Variants in EMILIN2 observed in about 807,000 individuals in gnomAD.
The protein encoded by EMILIN2 is EMILIN-2.
EMILIN2 carries 71 observed loss-of-function variants against 87.1 expected under a neutral mutation model. The observed-to-expected ratio is 0.82, with a 90% confidence interval of 0.67 to 0.99. The LOEUF (loss-of-function observed/expected upper bound fraction) is 0.99, where lower values mean the gene tolerates loss of function less well. EMILIN2 is among the 50% of genes least tolerant of loss of function. The probability of loss-of-function intolerance (pLI) is 0.00; values close to 1 mark genes in which losing one functional copy is unlikely to be tolerated. For synonymous variants in EMILIN2, 581 were observed against 563.4 expected, an observed-to-expected ratio of 1.03 and a Z score of -0.44; for missense variants, 1,407 against 1,371.8, an observed-to-expected ratio of 1.03 and a Z score of -0.40.
chr18:2,866,031 G>A (rs2076685116), intron 2 of EMILIN2, among the ~76,000 whole-genome samples: 1 of 152,250 alleles, frequency 6.6e-6, no homozygotes, highest in Non-Finnish European at 1.5e-5. Flanking sequence ...ATAATCTGGT[G>A]TGTGCTGTTT....
Position 2,890,474 on chromosome 18 carries a change from T to C in EMILIN2, c.434-87T>C. 6.9e-7 allele frequency: 1 copy of C among 1,459,104 alleles called. No individual in the cohort carries two copies. The highest frequency in any genetic ancestry group is 9.2e-7 in the Non-Finnish European group (1 of 1,085,974). The allele number at this position is 1,459,104 out of a possible 1,614,324, so 90.4% of individuals were successfully genotyped here. ...ACCTGTAAGTGAAGATGTACATGTA[T>C]TTTGTAGGTACCTTGTTTATTGTCT... On this transcript the variant is annotated intron_variant, in intron 3 of 7. Coordinates refer to ENST00000254528, the MANE Select transcript of EMILIN2 (RefSeq NM_032048.3). This position sits in a 1 kb window ranked among gnomAD's most constrained non-coding sequence, Gnocchi z 4.7.
intron 3 of EMILIN2, among the ~76,000 whole-genome samples, chr18:2,886,941 C>T (rs1025515959): frequency 3.9e-5 from 6 of 152,136 alleles, no homozygotes; most frequent in African/African-American, 7.2e-5. Flanking sequence ...TGTCTTCACC[C>T]GAGGATCTTA....
At chr18:2,906,682 G>A (rs1420002665) in intron 4 of EMILIN2, 101 bp from the exon 5 acceptor site, 54 of 985,884 alleles carry the variant, frequency 5.5e-5, no homozygotes, top group Non-Finnish European at 6.5e-5. Context: ...GAGTCCTCAC[G>A]GGGACCCCGC....
intron 2 of EMILIN2, among the ~76,000 whole-genome samples, chr18:2,860,962 T>G (rs1305596892): frequency 1.8e-4 from 27 of 152,204 alleles, no homozygotes; most frequent in Admixed American, 1.8e-3. Context: ...TCATTGTGGT[T>G]TTGATTGCAT....
At position 2,871,414 on chromosome 18, in the gene EMILIN2, G is replaced by A. The variant is rs9955661; in HGVS notation, c.258-13550G>A. The stretch of plus-strand genomic sequence containing the variant: ...GAGCTGTGCTTTCAAATGCTACCCA[G>A]CTGTGTGTGCAAAACGTACTTGGGT... On this transcript the variant is annotated intron_variant, in intron 2 of 7. Coordinates refer to ENST00000254528, the MANE Select transcript of EMILIN2 (RefSeq NM_032048.3). 2.7e-3 allele frequency among the ~76,000 whole-genome samples: 410 copies of A among 152,306 alleles called. 1 individual carries two copies. The highest frequency in any genetic ancestry group is 9.1e-3 in the African/African-American group (378 of 41,558).
At chr18:2,901,521 A>C in intron 4 of EMILIN2, among the ~76,000 whole-genome samples, 1 of 152,024 alleles carries the variant, frequency 6.6e-6, no homozygotes, top group African/African-American at 2.4e-5. Context: ...AATGGCCTTT[A>C]ATCCCTACAC....
chr18:2,888,416 G>A (rs536145871), intron 3 of EMILIN2, among the ~76,000 whole-genome samples: 1 of 151,904 alleles, frequency 6.6e-6, no homozygotes, highest in Admixed American at 6.6e-5. Context: ...TTTCTTTAGT[G>A]TCTTAAGAGA....
intron 5 of EMILIN2, among the ~76,000 whole-genome samples, chr18:2,907,879 C>G (rs1222600263): frequency 6.6e-6 from 1 of 152,172 alleles, no homozygotes; most frequent in African/African-American, 2.4e-5. Flanking sequence ...ATGCATAGAA[C>G]AATGCAAACC....
At chr18:2,889,980 T>C (rs1177405632) in intron 3 of EMILIN2, among the ~76,000 whole-genome samples, 1 of 152,214 alleles carries the variant, frequency 6.6e-6, no homozygotes, top group African/African-American at 2.4e-5. Flanking sequence ...TGTGAGACTC[T>C]TTGAGCACAG....
At chr18:2,879,708 T>C (rs901781652) in intron 2 of EMILIN2, among the ~76,000 whole-genome samples, 1 of 149,016 alleles carries the variant, frequency 6.7e-6, no homozygotes, top group African/African-American at 2.5e-5. Flanking sequence ...AGTATATTAA[T>C]TTGATTGATT....
intron 2 of EMILIN2, among the ~76,000 whole-genome samples, chr18:2,865,829 A>G (rs1299460550): frequency 1.3e-5 from 2 of 152,242 alleles, no homozygotes; most frequent in East Asian, 1.9e-4. Flanking sequence ...AGAGGCAGGC[A>G]GGCCTCCTTG....
At chr18:2,906,595 G>C (rs1367296779) in intron 4 of EMILIN2, 188 bp from the exon 5 acceptor site, 1 of 421,244 alleles carries the variant, frequency 2.4e-6, no homozygotes, top group African/African-American at 2.1e-5. Flanking sequence ...CGGCGTCCGG[G>C]TGGCCCGCGG....
intron 2 of EMILIN2, among the ~76,000 whole-genome samples, chr18:2,871,665 C>G (rs1411175257): frequency 6.6e-6 from 1 of 152,152 alleles, no homozygotes; most frequent in Non-Finnish European, 1.5e-5. Context: ...CCACGTGTTG[C>G]AAAAGAAGTT....
chr18:2,878,528 A>T (rs116639601), intron 2 of EMILIN2, among the ~76,000 whole-genome samples: 13 of 152,036 alleles, frequency 8.6e-5, no homozygotes, highest in African/African-American at 3.1e-4. Context: ...ATTTCATGTT[A>T]TGTGTATTTT....
In EMILIN2 at chr18:2,847,656, C is replaced by T. The variant is rs1387193713; in HGVS notation, c.135-153C>T. Reference sequence around the variant, plus strand: ...CTCTCCAGAGGCGCACCCGGGCACCCTCCGGCGTCTGCTCGGTGAAGCTCC... The same window carrying T: ...CTCTCCAGAGGCGCACCCGGGCACCTTCCGGCGTCTGCTCGGTGAAGCTCC... On this transcript the variant is annotated intron_variant, in intron 1 of 7. Transcript: ENST00000254528. The surrounding 1 kb of genome is among the most constrained non-coding windows in gnomAD (Gnocchi z 4.5). 6.6e-6 allele frequency among the ~76,000 whole-genome samples: 1 copy of T among 152,224 alleles called. No individual in the cohort carries two copies. The highest frequency in any genetic ancestry group is 1.5e-5 in the Non-Finnish European group (1 of 68,034).
chr18:2,868,002 G>A (rs1338921158), intron 2 of EMILIN2, among the ~76,000 whole-genome samples: 7 of 151,924 alleles, frequency 4.6e-5, no homozygotes, highest in Admixed American at 2.0e-4. Flanking sequence ...CCTCCCTCCC[G>A]GACGGGGTGG....
rs180719759 is a variant in EMILIN2 at position 2,880,940 on chromosome 18, C to T, written c.258-4024C>T. 6.6e-6 allele frequency among the ~76,000 whole-genome samples: 1 copy of T among 152,320 alleles called. No individual in the cohort carries two copies. Among genetic ancestry groups the T allele is most frequent in the Admixed American group, 6.5e-5 (1 of 15,296 alleles). Reference sequence around the variant, plus strand: ...TAAGGTATAATTTTGCTGAAAATTCCTTGGCATTTTCTAAAGCTCACTAGC... The same window carrying T: ...TAAGGTATAATTTTGCTGAAAATTCTTTGGCATTTTCTAAAGCTCACTAGC... On this transcript the variant is annotated intron_variant, in intron 2 of 7. Coordinates refer to ENST00000254528, the MANE Select transcript of EMILIN2 (RefSeq NM_032048.3). This position sits in a 1 kb window ranked among gnomAD's most constrained non-coding sequence, Gnocchi z 4.1.
At chr18:2,874,320 G>A (rs563693475) in intron 2 of EMILIN2, among the ~76,000 whole-genome samples, 81 of 152,204 alleles carry the variant, frequency 5.3e-4, no homozygotes, top group African/African-American at 1.7e-3. Flanking sequence ...CTCCTGAGTG[G>A]CTAGGACTCC....
Position 2,909,750 on chromosome 18 carries a change from AGTGATG to A in EMILIN2, c.2757_2762del (p.Ser919_Gly921delinsArg), listed in dbSNP as rs2076932244. On this transcript the variant is annotated inframe_deletion, in exon 7 of 8. Transcript: ENST00000254528. ...GGGGCTCACCCAGAAGCCTTTCCCCAGTGATGGGGGCGTTGTCCTCTTTAACAAAGT... is the reference window on the plus strand; with the variant it reads ...GGGGCTCACCCAGAAGCCTTTCCCCAGGGGCGTTGTCCTCTTTAACAAAGT... 6.2e-7 allele frequency: 1 copy of A among 1,613,284 alleles called. No individual in the cohort carries two copies. Among genetic ancestry groups the A allele is most frequent in the Non-Finnish European group, 8.5e-7 (1 of 1,179,784 alleles).
Sources: gnomAD v4.1 joint callset for allele counts (sites outside exome capture counted in the v4.1 genomes callset) on GRCh38, gnomAD v4.1.1 for gene constraint, Gnocchi (gnomAD v3.1) non-coding constraint, MANE v1.5 for transcripts, NCBI Gene and HGNC (gene_info 2026-07-23, HGNC 2026-07-21) for gene names.